CHRNA7: variants seen among roughly 807,000 people sequenced by gnomAD.
The protein encoded by CHRNA7 is cholinergic receptor nicotinic alpha 7 subunit.
In CHRNA7, 17 loss-of-function variants were observed where a neutral mutation model predicts 48.0. That is an observed-to-expected ratio of 0.35 (90% CI 0.24 to 0.53). CHRNA7 has a LOEUF of 0.53. CHRNA7 is among the 20% of genes least tolerant of loss of function. The probability of loss-of-function intolerance (pLI) is 0.92; values close to 1 mark genes in which losing one functional copy is unlikely to be tolerated. For missense variants in CHRNA7, 155 were observed against 577.7 expected (o/e 0.27, Z 7.50); for synonymous variants, 75 against 242.3 (o/e 0.31, Z 6.41).
At chr15:32,041,445 G>A (rs1439230177) in intron 2 of CHRNA7, among the ~76,000 whole-genome samples, 1 of 152,228 alleles carries the variant, frequency 6.6e-6, no homozygotes, top group East Asian at 1.9e-4. Context: ...TAGGGTTTGT[G>A]TTCCTGTAAG....
intron 3 of CHRNA7, among the ~76,000 whole-genome samples, chr15:32,104,625 T>C (rs1315196828): frequency 6.6e-6 from 1 of 152,112 alleles, no homozygotes; most frequent in African/African-American, 2.4e-5. Flanking sequence ...CCACAGCCCC[T>C]AGTTCACTGT....
intron 2 of CHRNA7, among the ~76,000 whole-genome samples, chr15:32,049,904 G>T (rs1379100604): frequency 6.6e-6 from 1 of 152,056 alleles, no homozygotes; most frequent in African/African-American, 2.4e-5. Flanking sequence ...CTTCACTTAT[G>T]AAGCTTAGTT....
At chr15:32,086,768 T>C (rs1021650812) in intron 2 of CHRNA7, among the ~76,000 whole-genome samples, 1 of 152,186 alleles carries the variant, frequency 6.6e-6, no homozygotes, top group Non-Finnish European at 1.5e-5. Context: ...TTTTGTAACA[T>C]GTCTCTTCAT....
chr15:32,124,712 C>T (rs910573783), intron 4 of CHRNA7, among the ~76,000 whole-genome samples: 1 of 152,148 alleles, frequency 6.6e-6, no homozygotes, highest in Admixed American at 6.5e-5. Flanking sequence ...TGTGTCCCCT[C>T]GAGAATTAGT....
chr15:32,101,766 T>C (rs927745339), intron 3 of CHRNA7: 19 of 165,318 alleles, frequency 1.1e-4, no homozygotes, highest in African/African-American at 4.5e-4. Context: ...GCCCTCGTAC[T>C]TTGTGCTCTA....
chr15:32,120,707 C>T (rs2050953551), intron 4 of CHRNA7, among the ~76,000 whole-genome samples: 1 of 152,014 alleles, frequency 6.6e-6, no homozygotes, highest in South Asian at 2.1e-4. Context: ...TGTCTTCTGG[C>T]ATGTGGCAAC....
At chr15:32,052,715 G>A (rs192289420) in intron 2 of CHRNA7, among the ~76,000 whole-genome samples, 6 of 152,204 alleles carry the variant, frequency 3.9e-5, no homozygotes, top group Admixed American at 1.3e-4. Context: ...GTGACAGAGC[G>A]AGACTCCATC....
chr15:32,089,657 C>CT (rs553582923), intron 2 of CHRNA7, among the ~76,000 whole-genome samples: 50 of 152,170 alleles, frequency 3.3e-4, no homozygotes, highest in African/African-American at 1.1e-3. Context: ...TTTTAAATTT[C>CT]TTATGTGATA....
Position 32,111,850 on chromosome 15 carries a change from C to T in CHRNA7, c.301C>T (p.Arg101Cys), listed in dbSNP as rs761715059. ...VSEYPGVKTV[R>C]FPDGQIWKPD... ...AGAATATCCAGGGGTGAAGACTGTT[C>T]GTTTCCCAGATGGCCAGATTTGGAA... Residue 101 changes from arginine to cysteine, a missense_variant, in exon 4 of 10, where the codon CGT (arginine) becomes TGT (cysteine). Coordinates refer to ENST00000306901, the MANE Select transcript of CHRNA7 (RefSeq NM_000746.6). 4 of 1,613,676 alleles carry T rather than the reference C, an allele frequency of 2.5e-6. No homozygotes were observed. Among genetic ancestry groups the T allele is most frequent in the Non-Finnish European group, 3.4e-6 (4 of 1,179,688 alleles).
intron 4 of CHRNA7, among the ~76,000 whole-genome samples, chr15:32,124,107 G>A (rs933365427): frequency 6.6e-6 from 1 of 151,892 alleles, no homozygotes; most frequent in Non-Finnish European, 1.5e-5. Flanking sequence ...CTCCTAGATG[G>A]GTTTCAAAAA....
chr15:32,065,326 G>T (rs1265910196), intron 2 of CHRNA7, among the ~76,000 whole-genome samples: 1 of 152,202 alleles, frequency 6.6e-6, no homozygotes, highest in South Asian at 2.1e-4. Context: ...GAGTCTCACT[G>T]TTGGAGAATT....
In CHRNA7 at chr15:32,124,401, G is replaced by A. The variant is rs1056589636; in HGVS notation, c.350+12502G>A. On this transcript the variant is annotated intron_variant, in intron 4 of 9. Coordinates refer to ENST00000306901, the MANE Select transcript of CHRNA7 (RefSeq NM_000746.6). Reference sequence around the variant, plus strand: ...AAAAATACAGTCAATGCTGATGAAAGTCAAAGGAGAAATTAACAAAAACCA... The same window carrying A: ...AAAAATACAGTCAATGCTGATGAAAATCAAAGGAGAAATTAACAAAAACCA... Among the ~76,000 whole-genome samples the A allele has an allele frequency of 4.6e-5, 7 of 152,172 alleles. No homozygotes were observed. In the South Asian group the frequency reaches 1.2e-3, roughly 27 times the overall value.
At chr15:32,082,228 A>G (rs1406113311) in intron 2 of CHRNA7, among the ~76,000 whole-genome samples, 2 of 151,862 alleles carry the variant, frequency 1.3e-5, no homozygotes, top group Non-Finnish European at 2.9e-5. Flanking sequence ...CATTTCTTTA[A>G]TCTATAGATC....
intron 4 of CHRNA7, among the ~76,000 whole-genome samples, chr15:32,120,326 C>T (rs1231605569): frequency 6.6e-6 from 1 of 152,134 alleles, no homozygotes; most frequent in Admixed American, 6.5e-5. Flanking sequence ...TGAGCTGGCT[C>T]CACTTTCGCA....
chr15:32,046,992 T>A (rs988888957), intron 2 of CHRNA7, among the ~76,000 whole-genome samples: 8 of 151,284 alleles, frequency 5.3e-5, no homozygotes, highest in Admixed American at 4.0e-4. Flanking sequence ...ATATGCGGCG[T>A]TATTTCTGAG....
chr15:32,030,770 C>T (rs1901782854), intron 1 of CHRNA7, 121 bp downstream of exon 1: 2 of 1,505,596 alleles, frequency 1.3e-6, no homozygotes, highest in Non-Finnish European at 1.8e-6. Context: ...GGAGGGGCAG[C>T]GGGGGCGCTG....
chr15:32,044,243 C>A (rs181354193), intron 2 of CHRNA7, among the ~76,000 whole-genome samples: 1 of 148,250 alleles, frequency 6.7e-6, no homozygotes, highest in Non-Finnish European at 1.5e-5. Flanking sequence ...CCAGATCGAT[C>A]GATCTTTTCC....
chr15:32,051,122 T>G lies in CHRNA7; in HGVS notation c.195+20085T>G, dbSNP rs1358166872. 5.9e-5 allele frequency among the ~76,000 whole-genome samples: 9 copies of G among 151,372 alleles called. No homozygotes were observed. In the East Asian group the frequency reaches 1.7e-3, roughly 29 times the overall value. On this transcript the variant is annotated intron_variant, in intron 2 of 9. Transcript: ENST00000306901. ...GTCAGGGACCCACTTGAGGAGGCAG[T>G]CTGCCCGTTCTCAGATCTCCAGCTG...
At chr15:32,045,770 A>C in intron 2 of CHRNA7, among the ~76,000 whole-genome samples, 1 of 148,830 alleles carries the variant, frequency 6.7e-6, no homozygotes. Context: ...TGCACCCATT[A>C]ACTCGTCATT....
Sources: gnomAD v4.1 joint callset for allele counts (sites outside exome capture counted in the v4.1 genomes callset) on GRCh38, gnomAD v4.1.1 for gene constraint, MANE v1.5 for transcripts, NCBI Gene and HGNC (gene_info 2026-07-23, HGNC 2026-07-21) for gene names.